The following GID4 variants were observed in gnomAD, a reference collection of about 807,000 sequenced individuals.
The protein encoded by GID4 is glucose-induced degradation protein 4 homolog.
In GID4, 7 loss-of-function variants were observed where a neutral mutation model predicts 32.4. That is an observed-to-expected ratio of 0.22 (90% CI 0.12 to 0.41). The LOEUF (loss-of-function observed/expected upper bound fraction) is 0.41, where lower values mean the gene tolerates loss of function less well. Ranked by LOEUF, GID4 falls within the 10% of genes least tolerant of loss-of-function variation. The pLI is 1.00. For missense variants in GID4, 309 were observed against 400.0 expected (o/e 0.77, Z 1.94); for synonymous variants, 166 against 170.0 (o/e 0.98, Z 0.18).
intron 2 of GID4, among the ~76,000 whole-genome samples, chr17:18,051,078 T>C (rs2044904826): frequency 6.6e-6 from 1 of 152,236 alleles, no homozygotes. Flanking sequence ...GCCTAAAGTA[T>C]GTTTACAAAG....
chr17:18,063,075 AAAATAAATAAATAAAT>A lies in GID4; in HGVS notation c.839+1131_839+1146del, dbSNP rs140677914. ...GGCGACAGAGCGAGACACCATCTCA[AAAATAAATAAATAAAT>A]AAATAAATAAATAAATAAATAAATA... On this transcript the variant is annotated intron_variant, in intron 5 of 5. Transcript: ENST00000268719. Among the ~76,000 whole-genome samples, 290 of 123,654 alleles carry A rather than the reference AAAATAAATAAATAAAT, an allele frequency of 2.3e-3. 1 individual carries two copies. Among genetic ancestry groups the A allele is most frequent in the East Asian group, 3.3e-3 (14 of 4,250 alleles). The allele number at this position is 123,654 out of a possible 152,430, so 81.1% of individuals were successfully genotyped here. A position where few individuals can be genotyped will look rare whatever the true frequency, so the allele number is the denominator to read the frequency against.
chr17:18,039,988 G>C lies in GID4; in HGVS notation c.438+86G>C, dbSNP rs569198470. ...GCTTCGGCTCCTCGACCCCGCAGCC[G>C]CGGAACAGGCCCTCGCCGCCGGGGC... is the stretch of plus-strand genomic sequence containing the variant. On this transcript the variant is annotated intron_variant, in intron 1 of 5. Coordinates refer to ENST00000268719, the MANE Select transcript of GID4 (RefSeq NM_024052.5). This position sits in a 1 kb window ranked among gnomAD's most constrained non-coding sequence, Gnocchi z 5.3. 1 of 1,266,348 alleles carries C rather than the reference G, an allele frequency of 7.9e-7. No homozygotes were observed. Among genetic ancestry groups the C allele is most frequent in the Non-Finnish European group, 1.0e-6 (1 of 1,002,852 alleles). 78.4% of individuals were successfully genotyped at this position (1,266,348 alleles called of 1,614,324 possible).
intron 1 of GID4, among the ~76,000 whole-genome samples, chr17:18,044,226 G>T (rs550776073): frequency 1.7e-4 from 26 of 152,298 alleles, no homozygotes; most frequent in Non-Finnish European, 8.8e-5. Context: ...CATCTGATGA[G>T]CCAGAAATGG....
intron 2 of GID4, among the ~76,000 whole-genome samples, chr17:18,052,210 A>AG (rs906734294): frequency 5.3e-5 from 8 of 152,132 alleles, no homozygotes; most frequent in South Asian, 4.1e-4. Context: ...GTGTTAGGAT[A>AG]GGGGGGTTGT....
rs1450131710 is a variant in GID4 at position 18,061,115 on chromosome 17, A to G, written c.709-730A>G. 2.0e-5 allele frequency among the ~76,000 whole-genome samples: 3 copies of G among 152,220 alleles called. No homozygotes were observed. Among genetic ancestry groups the G allele is most frequent in the Admixed American group, 6.6e-5 (1 of 15,264 alleles). ...GAGGGTGTCTTAAATTTGTTTAAAAAGCAATGGGCTTGTTTTGCCTCCAAA... is the reference window on the plus strand; with the variant it reads ...GAGGGTGTCTTAAATTTGTTTAAAAGGCAATGGGCTTGTTTTGCCTCCAAA... On this transcript the variant is annotated intron_variant, in intron 4 of 5. Transcript: ENST00000268719. This position sits in a 1 kb window ranked among gnomAD's most constrained non-coding sequence, Gnocchi z 4.4.
intron 3 of GID4, chr17:18,056,732 T>G: frequency 6.4e-7 from 1 of 1,550,510 alleles, no homozygotes; most frequent in Middle Eastern, 1.7e-4. Context: ...ATCTGCAGAC[T>G]CTGCTAGACT....
intron 2 of GID4, among the ~76,000 whole-genome samples, chr17:18,049,081 A>G (rs1567585776): frequency 6.6e-6 from 1 of 151,966 alleles, no homozygotes. Flanking sequence ...CATGCCTGTA[A>G]TCCCAGCACT....
chr17:18,048,254 G>A (rs553764770), intron 2 of GID4, among the ~76,000 whole-genome samples: 2 of 151,374 alleles, frequency 1.3e-5, no homozygotes, highest in South Asian at 4.2e-4. Context: ...GGAGTGCAGT[G>A]GTGTGATCTC....
At chr17:18,056,943 G>GCT in intron 3 of GID4, 2 of 1,550,604 alleles carry the variant, frequency 1.3e-6, no homozygotes, top group Middle Eastern at 1.7e-4. Context: ...GACTCCTGGA[G>GCT]CTCTGTACTG....
intron 1 of GID4, among the ~76,000 whole-genome samples, chr17:18,043,477 T>A (rs1177702703): frequency 6.6e-6 from 1 of 152,242 alleles, no homozygotes; most frequent in Non-Finnish European, 1.5e-5. Flanking sequence ...CAGGTTAGAA[T>A]TATGTGTCCT....
intron 2 of GID4, among the ~76,000 whole-genome samples, chr17:18,053,712 G>A (rs2044937264): frequency 6.6e-6 from 1 of 152,230 alleles, no homozygotes; most frequent in African/African-American, 2.4e-5. Flanking sequence ...TGGAGAACCA[G>A]TGGCTTGAGG....
intron 2 of GID4, among the ~76,000 whole-genome samples, chr17:18,049,662 G>A (rs1311177529): frequency 6.6e-6 from 1 of 150,662 alleles, no homozygotes; most frequent in Non-Finnish European, 1.5e-5. Context: ...TTTTTGAGAT[G>A]AAGTCTCGCT....
chr17:18,058,999 TC>T, intron 4 of GID4, 30 bp downstream of exon 4: 1 of 1,336,324 alleles, frequency 7.5e-7, no homozygotes, highest in Non-Finnish European at 1.1e-6. Context: ...CCCTCCAGAC[TC>T]CCAGCAAGCC....
chr17:18,051,304 C>T (rs779502692), intron 2 of GID4, among the ~76,000 whole-genome samples: 5 of 152,112 alleles, frequency 3.3e-5, no homozygotes, highest in Non-Finnish European at 7.3e-5. Flanking sequence ...CCAGGCTTGG[C>T]CTTGTATTAA....
At position 18,067,300 on chromosome 17, in the gene GID4, C is replaced by T. The variant is rs1050009657; in HGVS notation, c.*2057C>T. 2 of 152,300 alleles carry T rather than the reference C, an allele frequency of 1.3e-5. No homozygotes were observed. Among genetic ancestry groups the T allele is most frequent in the African/African-American group, 2.4e-5 (1 of 41,442 alleles). 9.4% of individuals were successfully genotyped at this position (152,300 alleles called of 1,614,324 possible). Reference sequence around the variant, plus strand: ...GGAGCACTGAGTCCGGAGGTCATCCCTGAGCTCATCCACGGCTCATGCTGT... The same window carrying T: ...GGAGCACTGAGTCCGGAGGTCATCCTTGAGCTCATCCACGGCTCATGCTGT... On this transcript the variant is annotated 3_prime_UTR_variant, in exon 6 of 6. Transcript: ENST00000268719.
At chr17:18,040,029 C>T in intron 1 of GID4, 127 bp downstream of exon 1, 3 of 1,201,844 alleles carry the variant, frequency 2.5e-6, no homozygotes, top group Non-Finnish European at 3.1e-6. Flanking sequence ...GCACCCGGCG[C>T]TTCCCACCCG....
chr17:18,047,296 C>T (rs142823475), intron 2 of GID4, among the ~76,000 whole-genome samples: 7 of 152,290 alleles, frequency 4.6e-5, no homozygotes, highest in Non-Finnish European at 8.8e-5. Context: ...GCTCAACTCT[C>T]AGGTAGCCAA....
chr17:18,046,026 A>T (rs2044850206), intron 2 of GID4, among the ~76,000 whole-genome samples: 1 of 152,232 alleles, frequency 6.6e-6, no homozygotes, highest in African/African-American at 2.4e-5. Context: ...TTTAGAAAGC[A>T]AGGAGGAGCA....
At position 18,061,821 on chromosome 17, in the gene GID4, C is replaced by T; in HGVS notation, c.709-24C>T. On this transcript the variant is annotated intron_variant, in intron 4 of 5. Coordinates refer to ENST00000268719, the MANE Select transcript of GID4 (RefSeq NM_024052.5). The surrounding 1 kb of genome is among the most constrained non-coding windows in gnomAD (Gnocchi z 4.4). ...GGTGGTCAGAGAATGCTATCTGTTACTGACCCTCTTCATCTGTGTGCAGGA... is the reference window on the plus strand; with the variant it reads ...GGTGGTCAGAGAATGCTATCTGTTATTGACCCTCTTCATCTGTGTGCAGGA... 1.2e-6 allele frequency: 2 copies of T among 1,613,546 alleles called. No homozygotes were observed. Among genetic ancestry groups the T allele is most frequent in the Non-Finnish European group, 1.7e-6 (2 of 1,179,698 alleles).
Sources: allele counts gnomAD v4.1 joint callset (sites outside exome capture counted in the v4.1 genomes callset), GRCh38; gene constraint gnomAD v4.1.1; non-coding constraint Gnocchi (gnomAD v3.1); transcripts MANE v1.5; gene names NCBI Gene and HGNC (gene_info 2026-07-23, HGNC 2026-07-21).